ESR2: variants seen among roughly 807,000 people sequenced by gnomAD.
ESR2 encodes the protein estrogen receptor 2, also known as estrogen receptor beta.
A neutral mutation model predicts 49.6 loss-of-function variants in ESR2; 36 were observed. The ratio of observed to expected loss-of-function variants is 0.73; its 90% confidence interval spans 0.56 to 0.96. The LOEUF (loss-of-function observed/expected upper bound fraction) is 0.96, where lower values mean the gene tolerates loss of function less well. ESR2 is among the 40% of genes least tolerant of loss of function. ESR2 has a pLI of 0.00. For synonymous variants in ESR2, 320 were observed against 266.1 expected, an observed-to-expected ratio of 1.20 and a Z score of -1.97; for missense variants, 714 against 693.0, an observed-to-expected ratio of 1.03 and a Z score of -0.34.
At chr14:64,235,308 G>C (rs1490222508) in intron 7 of ESR2, among the ~76,000 whole-genome samples, 158 bp from the exon 8 acceptor site, 1 of 152,226 alleles carries the variant, frequency 6.6e-6, no homozygotes, top group Non-Finnish European at 1.5e-5. Flanking sequence ...TCCCCCAGGG[G>C]ATCTTCCCTG....
chr14:64,333,167 G>A (rs2077484205), intron 1 of ESR2, among the ~76,000 whole-genome samples: 2 of 152,112 alleles, frequency 1.3e-5, no homozygotes, highest in African/African-American at 2.4e-5. Context: ...CAGGCAATAA[G>A]TGAAATTCCA....
rs1337545432 is a variant in ESR2, at chr14:64,260,616, G to A, written c.785C>T (p.Ala262Val). Residue 262 changes from alanine to valine, a missense_variant, in exon 5 of 9, where the codon GCC (alanine) becomes GTC (valine). Coordinates refer to ENST00000341099, the MANE Select transcript of ESR2 (RefSeq NM_001437.3). The part of the protein sequence containing the change: ...APRVRELLLD[A>V]LSPEQLVLTL... ...GAGCACTAGCTGCTCGGGGCTCAGG[G>A]CGTCCAGCAGCAGCTCCCGCACTCG... 1 of 1,610,702 alleles carries A rather than the reference G, an allele frequency of 6.2e-7. No individual in the cohort carries two copies. Among genetic ancestry groups the A allele is most frequent in the East Asian group, 2.2e-5 (1 of 44,752 alleles).
chr14:64,292,714 AC>A (rs1210762367), intron 1 of ESR2, among the ~76,000 whole-genome samples: 13 of 152,356 alleles, frequency 8.5e-5, no homozygotes, highest in Non-Finnish European at 1.9e-4. Context: ...TATGTGTTCA[AC>A]ATACACTTAT....
chr14:64,260,657 A>G lies in ESR2; in HGVS notation c.744T>C (p.Ser248=). 6.3e-6 allele frequency: 10 copies of G among 1,598,338 alleles called. No homozygotes were observed. Among genetic ancestry groups the G allele is most frequent in the Non-Finnish European group, 8.5e-6 (10 of 1,172,188 alleles). ...CCCGCACTCGGGGCGCGTGGCCGCC[A>G]CTTCTCTTGGCCTTGCCGGCACAGT... ...QLHCAGKAKR[S]GGHAPRVREL... Residue 248 remains serine (S), a synonymous_variant, in exon 5 of 9, where the codon AGT becomes AGC. Coordinates refer to ENST00000341099, the MANE Select transcript of ESR2 (RefSeq NM_001437.3).
intron 7 of ESR2, among the ~76,000 whole-genome samples, chr14:64,247,010 AC>A (rs962719255): frequency 2.0e-5 from 3 of 152,004 alleles, no homozygotes; most frequent in Non-Finnish European, 4.4e-5. Flanking sequence ...ATTCTCCCTC[AC>A]CCAGTTCTTC....
intron 1 of ESR2, among the ~76,000 whole-genome samples, chr14:64,322,157 C>T (rs2077331807): frequency 6.6e-6 from 1 of 152,178 alleles, no homozygotes; most frequent in South Asian, 2.1e-4. Context: ...CTCCTGGGTT[C>T]AAGCCATTCT....
chr14:64,270,745 G>C (rs1428252241), intron 3 of ESR2, among the ~76,000 whole-genome samples: 2 of 152,134 alleles, frequency 1.3e-5, no homozygotes, highest in Non-Finnish European at 2.9e-5. Flanking sequence ...CCTGACCTCA[G>C]GTGATCCACC....
At chr14:64,255,035 G>A (rs2076070419) in intron 6 of ESR2, among the ~76,000 whole-genome samples, 1 of 151,926 alleles carries the variant, frequency 6.6e-6, no homozygotes, top group South Asian at 2.1e-4. Flanking sequence ...TATTTTTCCA[G>A]GATTTGTGTC....
chr14:64,331,565 G>A (rs529238889), intron 1 of ESR2, among the ~76,000 whole-genome samples: 3 of 152,172 alleles, frequency 2.0e-5, no homozygotes, highest in African/African-American at 7.2e-5. Context: ...AGTGGCTCAC[G>A]CTGGTAATCC....
chr14:64,318,537 C>CAAAAAAAAAAAAAAAAAA (rs58597271), intron 1 of ESR2, among the ~76,000 whole-genome samples: 3 of 32,426 alleles, frequency 9.3e-5, no homozygotes, highest in African/African-American at 3.1e-4. Flanking sequence ...AACTCCATCT[C>CAAAAAAAAAAAAAAAAAA]AAAAAAAAAA....
chr14:64,303,581 T>A (rs1232963386), intron 1 of ESR2: 1 of 152,194 alleles, frequency 6.6e-6, no homozygotes, highest in Non-Finnish European at 1.5e-5. Flanking sequence ...CTAACAAGGA[T>A]CACCTGCTAG....
At position 64,229,598 on chromosome 14, in the gene ESR2, A is replaced by G. The variant is rs1034914405; in HGVS notation, c.*3539T>C. Among the ~76,000 whole-genome samples, 2 of 152,168 alleles carry G rather than the reference A, an allele frequency of 1.3e-5. No individual in the cohort carries two copies. Among genetic ancestry groups the G allele is most frequent in the African/African-American group, 4.8e-5 (2 of 41,436 alleles). Reference sequence around the variant, plus strand: ...CACCTGATAGATTCTGCAGTTTTAAAATATTTTTCTTTAAATTTTTAAACT... The same window carrying G: ...CACCTGATAGATTCTGCAGTTTTAAGATATTTTTCTTTAAATTTTTAAACT... On this transcript the variant is annotated 3_prime_UTR_variant, in exon 9 of 9. Transcript: ENST00000341099.
intron 1 of ESR2, among the ~76,000 whole-genome samples, chr14:64,307,996 T>TTTTG (rs746355162): frequency 7.9e-5 from 12 of 152,254 alleles, no homozygotes; most frequent in African/African-American, 2.4e-4. Context: ...TAATTTCGTT[T>TTTTG]TTTGTTTGTT....
At position 64,280,261 on chromosome 14, in the gene ESR2, C is replaced by A. The variant is rs1047774403; in HGVS notation, c.363-108G>T. On this transcript the variant is annotated intron_variant, in intron 2 of 8. Transcript: ENST00000341099. Reference sequence around the variant, plus strand: ...TTGCCTAATTTAATCTCTTTTTCCTCCAGGGTTCCTGGTAAATATATTCCC... The same window carrying A: ...TTGCCTAATTTAATCTCTTTTTCCTACAGGGTTCCTGGTAAATATATTCCC... 5 of 800,776 alleles carry A rather than the reference C, an allele frequency of 6.2e-6. No individual in the cohort carries two copies. In the African/African-American group the frequency reaches 8.6e-5, roughly 14 times the overall value. 49.6% of individuals were successfully genotyped at this position (800,776 alleles called of 1,614,324 possible).
intron 1 of ESR2, chr14:64,337,399 A>G (rs2077544605): frequency 6.6e-6 from 1 of 152,266 alleles, no homozygotes; most frequent in South Asian, 2.1e-4. Flanking sequence ...CCTACAACTT[A>G]CCAGGAATAT....
intron 7 of ESR2, among the ~76,000 whole-genome samples, chr14:64,245,329 T>C (rs889815447): frequency 2.0e-5 from 3 of 151,900 alleles, no homozygotes; most frequent in Admixed American, 1.3e-4. Flanking sequence ...CTGGCCAACA[T>C]GGTGAAACCC....
chr14:64,270,677 T>A (rs1041882497), intron 3 of ESR2, among the ~76,000 whole-genome samples: 1 of 152,106 alleles, frequency 6.6e-6, no homozygotes, highest in Admixed American at 6.5e-5. Context: ...GCCCAGCTAA[T>A]TTTTGTATTT....
intron 1 of ESR2, among the ~76,000 whole-genome samples, chr14:64,285,566 G>T (rs1322573101): frequency 6.6e-6 from 1 of 152,104 alleles, no homozygotes; most frequent in Non-Finnish European, 1.5e-5. Flanking sequence ...TAAAGTCAAT[G>T]CCTGTAATCT....
At chr14:64,252,461 A>G (rs1331757513) in intron 6 of ESR2, among the ~76,000 whole-genome samples, 34 of 152,232 alleles carry the variant, frequency 2.2e-4, no homozygotes, top group Admixed American at 2.2e-3. Flanking sequence ...ATAACATGGA[A>G]TATCTTTGTA....
Sources: gnomAD v4.1 joint callset for allele counts (sites outside exome capture counted in the v4.1 genomes callset) on GRCh38, gnomAD v4.1.1 for gene constraint, MANE v1.5 for transcripts, NCBI Gene and HGNC (gene_info 2026-07-23, HGNC 2026-07-21) for gene names.